KPNA5: variants seen among roughly 807,000 people sequenced by gnomAD.
The protein encoded by KPNA5 is importin subunit alpha-6.
KPNA5 carries 46 observed loss-of-function variants against 71.3 expected under a neutral mutation model. The ratio of observed to expected loss-of-function variants is 0.65; its 90% confidence interval spans 0.51 to 0.83. KPNA5 has a LOEUF of 0.83. Among genes scored for constraint, KPNA5 ranks in the 40% least tolerant of loss-of-function variants. The pLI, the probability that KPNA5 is intolerant of heterozygous loss-of-function variation, is 0.00. For missense variants in KPNA5, 547 were observed against 628.3 expected (o/e 0.87, Z 1.38); for synonymous variants, 207 against 201.4 (o/e 1.03, Z -0.24).
intron 12 of KPNA5, among the ~76,000 whole-genome samples, chr6:116,728,005 T>C (rs1320903666): frequency 1.3e-5 from 2 of 152,114 alleles, no homozygotes; most frequent in African/African-American, 4.8e-5. Flanking sequence ...ATCTACCTAT[T>C]GTGAAATTGT....
intron 1 of KPNA5, among the ~76,000 whole-genome samples, chr6:116,683,896 C>CTTTTTTT (rs140446065): frequency 2.5e-4 from 15 of 59,608 alleles, no homozygotes; most frequent in South Asian, 8.7e-4. Context: ...CGTGCCCGGC[C>CTTTTTTT]TTTTTTTTTT....
At chr6:116,713,519 T>G (rs1304938412) in intron 7 of KPNA5, among the ~76,000 whole-genome samples, 1 of 152,206 alleles carries the variant, frequency 6.6e-6, no homozygotes, top group Non-Finnish European at 1.5e-5. Flanking sequence ...TGTGTCTTGG[T>G]ATGTGTCTTT....
intron 12 of KPNA5, among the ~76,000 whole-genome samples, 193 bp downstream of exon 12, chr6:116,726,815 TCTC>T (rs1296328533): frequency 1.3e-5 from 2 of 152,024 alleles, no homozygotes; most frequent in African/African-American, 4.8e-5. Context: ...TTAACATCAT[TCTC>T]CTTGATAGGC....
At chr6:116,711,480 A>G (rs1778682932) in intron 7 of KPNA5, among the ~76,000 whole-genome samples, 1 of 149,774 alleles carries the variant, frequency 6.7e-6, no homozygotes, top group African/African-American at 2.5e-5. Flanking sequence ...TAATTTCACT[A>G]CATCCCTTAA....
rs1424772320 is a variant in KPNA5 at position 116,698,815 on chromosome 6, C to T, written c.435+17C>T. 1 of 1,408,580 alleles carries T rather than the reference C, an allele frequency of 7.1e-7. No individual in the cohort carries two copies. Among genetic ancestry groups the T allele is most frequent in the African/African-American group, 1.5e-5 (1 of 67,780 alleles). The allele number at this position is 1,408,580 out of a possible 1,614,324, so 87.3% of individuals were successfully genotyped here. The stretch of plus-strand genomic sequence containing the variant: ...ACTTTACAAGTGAGTCTAAAGTTTT[C>T]TTTCTTAATTTTTCTCTAGAAATGA... On this transcript the variant is annotated intron_variant, in intron 5 of 13. Transcript: ENST00000368564.
intron 1 of KPNA5, among the ~76,000 whole-genome samples, chr6:116,687,120 C>A (rs1429820701): frequency 6.6e-6 from 1 of 152,120 alleles, no homozygotes; most frequent in Non-Finnish European, 1.5e-5. Context: ...TTGCTTTGGC[C>A]AGTATGTCCA....
In KPNA5 at chr6:116,733,920, CT is replaced by C. The variant is rs973714804; in HGVS notation, c.*1598del. 3 of 151,660 alleles carry C rather than the reference CT, an allele frequency of 2.0e-5. No individual in the cohort carries two copies. The highest frequency in any genetic ancestry group is 7.2e-5 in the African/African-American group (3 of 41,394). 9.4% of individuals were successfully genotyped at this position (151,660 alleles called of 1,614,324 possible). On this transcript the variant is annotated 3_prime_UTR_variant, in exon 14 of 14. Coordinates refer to ENST00000368564, the MANE Select transcript of KPNA5 (RefSeq NM_001366306.2). ...ACTTTGTAAATTACATATCATGAAACTAAGCTTTTGACAAGATACTTAAAAC... is the reference window on the plus strand; with the variant it reads ...ACTTTGTAAATTACATATCATGAAACAAGCTTTTGACAAGATACTTAAAAC...
intron 12 of KPNA5, among the ~76,000 whole-genome samples, chr6:116,726,973 CACTT>C (rs1376713960): frequency 1.6e-4 from 24 of 152,052 alleles, no homozygotes; most frequent in African/African-American, 5.5e-4. Context: ...TTTGAATATC[CACTT>C]ACTTTAAATA....
chr6:116,689,995 A>G (rs1201234243), intron 2 of KPNA5, among the ~76,000 whole-genome samples: 1 of 152,264 alleles, frequency 6.6e-6, no homozygotes, highest in Admixed American at 6.5e-5. Context: ...TTTGTAAGTA[A>G]GTAAAATAAT....
chr6:116,708,940 C>T (rs183430083), intron 7 of KPNA5, among the ~76,000 whole-genome samples: 57 of 152,202 alleles, frequency 3.7e-4, no homozygotes, highest in African/African-American at 1.3e-3. Flanking sequence ...CGTGTACAAC[C>T]ATACCTGGCT....
chr6:116,732,852 T>C lies in KPNA5; in HGVS notation c.*529T>C, dbSNP rs1007217608. On this transcript the variant is annotated 3_prime_UTR_variant, in exon 14 of 14. Coordinates refer to ENST00000368564, the MANE Select transcript of KPNA5 (RefSeq NM_001366306.2). ...AATATTTATTACCTTAAATTATACA[T>C]ATCACTGTGCTGTAGGTTATACTTT... 1.3e-5 allele frequency: 2 copies of C among 151,914 alleles called. No homozygotes were observed. Among genetic ancestry groups the C allele is most frequent in the Non-Finnish European group, 1.5e-5 (1 of 67,862 alleles). The allele number at this position is 151,914 out of a possible 1,614,324, so 9.4% of individuals were successfully genotyped here.
chr6:116,717,479 C>T (rs917231331), intron 8 of KPNA5, among the ~76,000 whole-genome samples: 13 of 152,004 alleles, frequency 8.6e-5, no homozygotes, highest in African/African-American at 1.7e-4. Context: ...ACTGTGGTAC[C>T]GGTGGAAGGT....
chr6:116,681,508 G>T, intron 1 of KPNA5, 170 bp downstream of exon 1: 1 of 1,364,912 alleles, frequency 7.3e-7, no homozygotes, highest in Non-Finnish European at 9.5e-7. Flanking sequence ...CAGCGGTCGC[G>T]GGGGCGTGGC....
chr6:116,690,813 A>G (rs1352823808), intron 2 of KPNA5, among the ~76,000 whole-genome samples: 2 of 152,162 alleles, frequency 1.3e-5, no homozygotes, highest in Non-Finnish European at 2.9e-5. Flanking sequence ...GTAAAATGGC[A>G]TGGTATTTGC....
chr6:116,699,134 G>T (rs575642352), intron 5 of KPNA5, among the ~76,000 whole-genome samples: 1 of 151,372 alleles, frequency 6.6e-6, no homozygotes, highest in Admixed American at 6.6e-5. Context: ...AGCTAGCCAG[G>T]GTTCTAACTT....
intron 1 of KPNA5, among the ~76,000 whole-genome samples, chr6:116,685,161 C>T (rs766787959): frequency 1.2e-3 from 182 of 152,190 alleles, no homozygotes; most frequent in Non-Finnish European, 2.1e-3. Context: ...ACTGATAAAC[C>T]GTGATCTGTC....
chr6:116,739,288 C>G lies in KPNA5; in HGVS notation c.*6965C>G, dbSNP rs1462823374. On this transcript the variant is annotated 3_prime_UTR_variant, in exon 14 of 14. Coordinates refer to ENST00000368564, the MANE Select transcript of KPNA5 (RefSeq NM_001366306.2). ...ATAAAATACTTAGGAATCCAACTTACAAGGGACGTGAAGGACCTCTTCAAG... is the reference window on the plus strand; with the variant it reads ...ATAAAATACTTAGGAATCCAACTTAGAAGGGACGTGAAGGACCTCTTCAAG... 1.3e-5 allele frequency: 2 copies of G among 152,084 alleles called. No individual in the cohort carries two copies. The highest frequency in any genetic ancestry group is 2.9e-5 in the Non-Finnish European group (2 of 68,012). The allele number at this position is 152,084 out of a possible 1,614,324, so 9.4% of individuals were successfully genotyped here.
At chr6:116,689,232 G>T in intron 1 of KPNA5, 88 bp from the exon 2 acceptor site, 1 of 1,380,640 alleles carries the variant, frequency 7.2e-7, no homozygotes, top group Non-Finnish European at 9.9e-7. Flanking sequence ...TAATCAGTGA[G>T]CCTGAATTTA....
At chr6:116,711,688 T>C (rs1261262881) in intron 7 of KPNA5, among the ~76,000 whole-genome samples, 1 of 152,190 alleles carries the variant, frequency 6.6e-6, no homozygotes, top group Non-Finnish European at 1.5e-5. Context: ...ATGATTTCAC[T>C]TTTCAAAAAT....
Sources: gnomAD v4.1 joint callset for allele counts (sites outside exome capture counted in the v4.1 genomes callset) on GRCh38, gnomAD v4.1.1 for gene constraint, MANE v1.5 for transcripts, NCBI Gene and HGNC (gene_info 2026-07-23, HGNC 2026-07-21) for gene names.